ENPEP: variants seen among roughly 807,000 people sequenced by gnomAD.
ENPEP encodes the protein AP-A.
Under a neutral mutation model 114.5 loss-of-function variants are expected in ENPEP, and 103 were observed. The ratio of observed to expected loss-of-function variants is 0.90; its 90% confidence interval spans 0.77 to 1.06. The LOEUF is 1.06. Among genes scored for constraint, ENPEP ranks in the 50% least tolerant of loss-of-function variants. ENPEP has a pLI of 0.00. For synonymous variants in ENPEP, 420 were observed against 422.0 expected, an observed-to-expected ratio of 1.00 and a Z score of 0.06; for missense variants, 1,196 against 1,161.3, an observed-to-expected ratio of 1.03 and a Z score of -0.43.
chr4:110,511,623 A>G (rs907152033), intron 6 of ENPEP, among the ~76,000 whole-genome samples: 2 of 152,222 alleles, frequency 1.3e-5, no homozygotes, highest in Non-Finnish European at 2.9e-5. Flanking sequence ...ACATTTTAAT[A>G]TTGTCTAATA....
chr4:110,491,626 G>A (rs1049675696), intron 3 of ENPEP, among the ~76,000 whole-genome samples: 3 of 151,500 alleles, frequency 2.0e-5, no homozygotes, highest in African/African-American at 7.3e-5. Context: ...TAGCAACAAA[G>A]TATCCAAAAG....
intron 8 of ENPEP, chr4:110,519,607 C>T (rs1345903597): frequency 5.5e-6 from 1 of 182,532 alleles, no homozygotes; most frequent in Non-Finnish European, 1.2e-5. Context: ...TGAATAATGT[C>T]CCCAATTCAT....
At chr4:110,530,877 T>G (rs910324151) in intron 10 of ENPEP, among the ~76,000 whole-genome samples, 5 of 152,230 alleles carry the variant, frequency 3.3e-5, no homozygotes, top group Non-Finnish European at 7.3e-5. Flanking sequence ...TTCAATATTA[T>G]AATAAGATGT....
intron 13 of ENPEP, among the ~76,000 whole-genome samples, chr4:110,546,069 G>A (rs1727043290): frequency 6.6e-6 from 1 of 151,934 alleles, no homozygotes; most frequent in Admixed American, 6.6e-5. Context: ...CCCTTGGAGG[G>A]GAGAGCATTT....
intron 3 of ENPEP, chr4:110,500,130 A>G (rs1201921283): frequency 6.6e-6 from 1 of 152,190 alleles, no homozygotes; most frequent in Non-Finnish European, 1.5e-5. Context: ...AAGTGAAGTC[A>G]AGTGTGGCAA....
In ENPEP at chr4:110,476,976, C is replaced by T; in HGVS notation, c.562C>T (p.Leu188=). ...TPSSGDGLYL[L]TMEFAGWLNG... Reference sequence around the variant, plus strand: ...CAGCAGTGGAGATGGCCTGTATCTCCTGACCATGGAGTTCGCCGGCTGGCT... The same window carrying T: ...CAGCAGTGGAGATGGCCTGTATCTCTTGACCATGGAGTTCGCCGGCTGGCT... The change falls in exon 1 of 20, where the codon CTG becomes TTG. Residue 188 remains leucine, a synonymous_variant. Transcript: ENST00000265162. 1 of 1,614,212 alleles carries T rather than the reference C, an allele frequency of 6.2e-7. No homozygotes were observed. The highest frequency in any genetic ancestry group is 8.5e-7 in the Non-Finnish European group (1 of 1,180,028).
chr4:110,558,304 T>C (rs1262375351), intron 18 of ENPEP, among the ~76,000 whole-genome samples: 2 of 142,746 alleles, frequency 1.4e-5, no homozygotes, highest in Admixed American at 1.4e-4. Context: ...AAATTTTTTT[T>C]TGAGACAAGG....
chr4:110,545,445 C>T (rs1727018750), intron 13 of ENPEP, among the ~76,000 whole-genome samples: 1 of 152,008 alleles, frequency 6.6e-6, no homozygotes, highest in African/African-American at 2.4e-5. Context: ...TTTAAAGCTT[C>T]TCCCTGCCCC....
At chr4:110,529,515 A>G (rs1578409640) in intron 10 of ENPEP, among the ~76,000 whole-genome samples, 6 of 152,312 alleles carry the variant, frequency 3.9e-5, no homozygotes, top group African/African-American at 9.6e-5. Context: ...TGTATGAAGC[A>G]GGTCCTGAAG....
intron 11 of ENPEP, among the ~76,000 whole-genome samples, chr4:110,534,086 G>T (rs1726514459): frequency 6.6e-6 from 1 of 152,162 alleles, no homozygotes. Flanking sequence ...TCAGCTCTCA[G>T]CTTAGAGCAC....
rs1327112579 is a variant in ENPEP, at chr4:110,563,488, C to G, written c.*1930C>G. ...AATAAGTCTTCTAGACCATCAGGTC[C>G]TTCTCAAACAACACCTGTTTTTTAA... On this transcript the variant is annotated 3_prime_UTR_variant, in exon 20 of 20. Coordinates refer to ENST00000265162, the MANE Select transcript of ENPEP (RefSeq NM_001977.4). The G allele has an allele frequency of 1.3e-5, 2 of 152,090 alleles. No individual in the cohort carries two copies. The highest frequency in any genetic ancestry group is 2.9e-5 in the Non-Finnish European group (2 of 67,990). 9.4% of individuals were successfully genotyped at this position (152,090 alleles called of 1,614,324 possible).
rs552622065 is a variant in ENPEP at position 110,503,987 on chromosome 4, T to C, written c.919-2650T>C. Among the ~76,000 whole-genome samples, 10 of 152,304 alleles carry C rather than the reference T, an allele frequency of 6.6e-5. No homozygotes were observed. The East Asian group carries it at 1.9e-3, about 29-fold the overall frequency. ...GTGCTCTCTCTCAGTGCTCTGAAACTGCCTGCTCCTCTCCAACTCAAGTAC... is the reference window on the plus strand; with the variant it reads ...GTGCTCTCTCTCAGTGCTCTGAAACCGCCTGCTCCTCTCCAACTCAAGTAC... On this transcript the variant is annotated intron_variant, in intron 3 of 19. Transcript: ENST00000265162.
chr4:110,489,495 C>T (rs911276952), intron 2 of ENPEP, among the ~76,000 whole-genome samples: 1 of 151,786 alleles, frequency 6.6e-6, no homozygotes, highest in Non-Finnish European at 1.5e-5. Flanking sequence ...CACAGTGGCA[C>T]GTGTATACCT....
chr4:110,539,635 C>T (rs1031813251), intron 11 of ENPEP, among the ~76,000 whole-genome samples: 1 of 152,090 alleles, frequency 6.6e-6, no homozygotes, highest in African/African-American at 2.4e-5. Context: ...AGCAGTCCTC[C>T]TATCTTGGCC....
Position 110,477,069 on chromosome 4 carries a change from A to G in ENPEP, c.644+11A>G. The G allele has an allele frequency of 6.2e-7, 1 of 1,605,828 alleles. No individual in the cohort carries two copies. Among genetic ancestry groups the G allele is most frequent in the South Asian group, 1.1e-5 (1 of 90,760 alleles). ...GAACGGACAAGTCAAGTAAATATTA[A>G]TTTTTGCTTTACCTCCCTTAAGCTC... On this transcript the variant is annotated intron_variant, in intron 1 of 19. Coordinates refer to ENST00000265162, the MANE Select transcript of ENPEP (RefSeq NM_001977.4).
At chr4:110,479,160 AATTAT>A (rs886690172) in intron 1 of ENPEP, among the ~76,000 whole-genome samples, 2 of 152,228 alleles carry the variant, frequency 1.3e-5, no homozygotes, top group African/African-American at 4.8e-5. Flanking sequence ...GCTGTGGCAT[AATTAT>A]ATTATACATA....
At chr4:110,519,825 T>C (rs1185973613) in intron 8 of ENPEP, among the ~76,000 whole-genome samples, 183 bp from the exon 9 acceptor site, 2 of 152,216 alleles carry the variant, frequency 1.3e-5, no homozygotes, top group Non-Finnish European at 2.9e-5. Context: ...TATTTTATGA[T>C]ACATGAACAT....
At chr4:110,480,590 T>C (rs1316018653) in intron 1 of ENPEP, among the ~76,000 whole-genome samples, 1 of 152,244 alleles carries the variant, frequency 6.6e-6, no homozygotes, top group African/African-American at 2.4e-5. Context: ...GGGATATTAA[T>C]GTGACAACCA....
chr4:110,491,607 C>G (rs932530492), intron 3 of ENPEP, among the ~76,000 whole-genome samples: 21 of 151,716 alleles, frequency 1.4e-4, no homozygotes, highest in Admixed American at 5.9e-4. Context: ...TATATGTAAT[C>G]AAAATAGGTA....
Sources: gnomAD v4.1 joint callset for allele counts (sites outside exome capture counted in the v4.1 genomes callset) on GRCh38, gnomAD v4.1.1 for gene constraint, MANE v1.5 for transcripts, NCBI Gene and HGNC (gene_info 2026-07-23, HGNC 2026-07-21) for gene names.